The following ELOVL6 variants were observed in gnomAD, a reference collection of about 807,000 sequenced individuals.
ELOVL6 encodes the protein ELOVL fatty acid elongase 6.
ELOVL6 carries 8 observed loss-of-function variants against 31.7 expected under a neutral mutation model. The ratio of observed to expected loss-of-function variants is 0.25; its 90% CI spans 0.15 to 0.45. The LOEUF is 0.45. Among genes scored for constraint, ELOVL6 ranks in the 20% least tolerant of loss-of-function variants. The pLI is 1.00. For synonymous variants in ELOVL6, 101 were observed against 117.7 expected, an observed-to-expected ratio of 0.86 and a Z score of 0.92; for missense variants, 126 against 326.4, an observed-to-expected ratio of 0.39 and a Z score of 4.73.
At chr4:110,199,106 C>T (rs1759915199), upstream of ELOVL6, 1 of 150,940 alleles carries the variant, frequency 6.6e-6, no homozygotes, top group Non-Finnish European at 1.5e-5. Context: ...TAACCCAGGC[C>T]CTGCGGACGG....
intron 1 of ELOVL6, among the ~76,000 whole-genome samples, chr4:110,146,020 CA>C (rs1340988651): frequency 6.6e-6 from 1 of 151,864 alleles, no homozygotes; most frequent in Non-Finnish European, 1.5e-5. Flanking sequence ...CATATGGAAC[CA>C]AAAAAGAATC....
Position 110,047,562 on chromosome 4 carries a change from G to T in ELOVL6, c.*3776C>A, listed in dbSNP as rs1049985895. ...GAGCTTTGTTACTCTGATGTGACAGGCTTTACCTTATGAAGATGCTACATC... is the reference window on the plus strand; with the variant it reads ...GAGCTTTGTTACTCTGATGTGACAGTCTTTACCTTATGAAGATGCTACATC... On this transcript the variant is annotated 3_prime_UTR_variant, in exon 4 of 4. Transcript: ENST00000302274. The T allele has an allele frequency of 6.6e-6, 1 of 152,164 alleles. No individual in the cohort carries two copies. The highest frequency in any genetic ancestry group is 1.5e-5 in the Non-Finnish European group (1 of 68,060). The allele number at this position is 152,164 out of a possible 1,614,324, so 9.4% of individuals were successfully genotyped here.
At chr4:110,090,619 T>C (rs1194221364) in intron 2 of ELOVL6, among the ~76,000 whole-genome samples, 4 of 148,646 alleles carry the variant, frequency 2.7e-5, no homozygotes, top group African/African-American at 7.5e-5. Flanking sequence ...TTTTTTTTTT[T>C]TCATGAGACG....
Position 110,046,863 on chromosome 4 carries a change from A to G in ELOVL6, c.*4475T>C, listed in dbSNP as rs1256904278. 1 of 152,224 alleles carries G rather than the reference A, an allele frequency of 6.6e-6. No individual in the cohort carries two copies. The highest frequency in any genetic ancestry group is 2.4e-5 in the African/African-American group (1 of 41,454). 9.4% of individuals were successfully genotyped at this position (152,224 alleles called of 1,614,324 possible). On this transcript the variant is annotated 3_prime_UTR_variant, in exon 4 of 4. Coordinates refer to ENST00000302274, the MANE Select transcript of ELOVL6 (RefSeq NM_024090.3). ...CAAAATAGAGCATTGTGATTTCATC[A>G]GCTCTCACTTTAATGTGTATACACT...
chr4:110,176,737 T>C (rs1334051818), intron 1 of ELOVL6, among the ~76,000 whole-genome samples: 5 of 152,182 alleles, frequency 3.3e-5, no homozygotes, highest in African/African-American at 1.2e-4. Context: ...CTCTTTGTCA[T>C]TCTTTGTCAT....
chr4:110,197,679 T>A (rs1759850344), intron 1 of ELOVL6, among the ~76,000 whole-genome samples: 1 of 151,784 alleles, frequency 6.6e-6, no homozygotes, highest in African/African-American at 2.4e-5. Flanking sequence ...AAAGGGGGCA[T>A]CCGCCTGAGG....
intron 2 of ELOVL6, among the ~76,000 whole-genome samples, chr4:110,104,478 G>C (rs1342063700): frequency 1.3e-5 from 2 of 152,110 alleles, no homozygotes; most frequent in Non-Finnish European, 2.9e-5. Flanking sequence ...CAGATCATAA[G>C]AGTTTAATGG....
At chr4:110,064,679 G>T (rs1450861985) in intron 2 of ELOVL6, among the ~76,000 whole-genome samples, 2 of 151,828 alleles carry the variant, frequency 1.3e-5, no homozygotes, top group Non-Finnish European at 2.9e-5. Context: ...ATGAAAATGG[G>T]GTCTCATCAT....
chr4:110,058,142 T>G (rs960641909), intron 3 of ELOVL6, among the ~76,000 whole-genome samples: 1 of 152,200 alleles, frequency 6.6e-6, no homozygotes, highest in Non-Finnish European at 1.5e-5. Flanking sequence ...ATTGTAAAAT[T>G]CCTTTTAGAT....
At chr4:110,150,833 A>G (rs111597102) in intron 1 of ELOVL6, among the ~76,000 whole-genome samples, 8,876 of 152,238 alleles carry the variant, frequency 0.058, 330 homozygotes, top group East Asian at 0.14. Flanking sequence ...ACCTGAGGTC[A>G]GGAGTTTGAG....
chr4:110,094,433 A>ATG, intron 2 of ELOVL6, among the ~76,000 whole-genome samples: 1 of 59,768 alleles, frequency 1.7e-5, no homozygotes, highest in Non-Finnish European at 2.9e-5. Context: ...ATATATATAT[A>ATG]TATATATATA....
chr4:110,198,195 G>T, intron 1 of ELOVL6, 52 bp downstream of exon 1: 1 of 1,128,198 alleles, frequency 8.9e-7, no homozygotes. Flanking sequence ...AAGGCACTCC[G>T]GGAAGACGCG....
intron 1 of ELOVL6, among the ~76,000 whole-genome samples, chr4:110,197,107 G>A (rs1355289785): frequency 6.6e-6 from 1 of 152,218 alleles, no homozygotes; most frequent in Admixed American, 6.5e-5. Flanking sequence ...CACGCGGCGG[G>A]CGGAATCCCC....
intron 1 of ELOVL6, among the ~76,000 whole-genome samples, chr4:110,183,797 C>G (rs1256929853): frequency 6.6e-6 from 1 of 152,064 alleles, no homozygotes; most frequent in Non-Finnish European, 1.5e-5. Context: ...GCCTGGGCAA[C>G]GTGGGGAAAT....
chr4:110,115,580 CA>C (rs889796067), intron 1 of ELOVL6, among the ~76,000 whole-genome samples: 1 of 150,970 alleles, frequency 6.6e-6, no homozygotes, highest in African/African-American at 2.4e-5. Context: ...CCTGTCTCTA[CA>C]AAAAAAAACT....
intron 1 of ELOVL6, among the ~76,000 whole-genome samples, chr4:110,165,344 C>G (rs936414424): frequency 9.9e-5 from 15 of 152,258 alleles, no homozygotes; most frequent in African/African-American, 3.4e-4. Flanking sequence ...TTTTGTGGTT[C>G]CTTCCTGTCT....
chr4:110,084,080 A>G (rs1756027047), intron 2 of ELOVL6, among the ~76,000 whole-genome samples: 1 of 131,702 alleles, frequency 7.6e-6, no homozygotes, highest in Admixed American at 8.3e-5. Flanking sequence ...TATATGCTAT[A>G]TATGATATAT....
At chr4:110,104,031 C>T (rs114964996) in intron 2 of ELOVL6, among the ~76,000 whole-genome samples, 5 of 152,212 alleles carry the variant, frequency 3.3e-5, no homozygotes, top group African/African-American at 4.8e-5. Flanking sequence ...CAAGATTAAA[C>T]GAAGTAAAAT....
At chr4:110,128,716 C>T (rs1270308964) in intron 1 of ELOVL6, among the ~76,000 whole-genome samples, 1 of 152,226 alleles carries the variant, frequency 6.6e-6, no homozygotes, top group African/African-American at 2.4e-5. Context: ...ACAGCAAGAT[C>T]TAACATTTCC....
Sources: allele counts gnomAD v4.1 joint callset (sites outside exome capture counted in the v4.1 genomes callset), GRCh38; gene constraint gnomAD v4.1.1; transcripts MANE v1.5; gene names NCBI Gene and HGNC (gene_info 2026-07-23, HGNC 2026-07-21).